GANC: variants seen among roughly 807,000 people sequenced by gnomAD.
GANC encodes the protein neutral alpha-glucosidase C.
Under a neutral mutation model 124.2 loss-of-function variants are expected in GANC, and 117 were observed. That is an observed-to-expected ratio of 0.94 (90% CI 0.81 to 1.10). The LOEUF is 1.10. Among genes scored for constraint, GANC ranks in the 50% least tolerant of loss-of-function variants. The pLI is 0.00. For synonymous variants in GANC, 377 were observed against 376.8 expected (o/e 1.00, Z -0.01); for missense variants, 1,140 against 1,095.0 (o/e 1.04, Z -0.58).
chr15:42,330,599 GA>G lies in GANC; in HGVS notation c.1669del (p.Ile557Ter). 6.2e-7 allele frequency: 1 copy of G among 1,611,652 alleles called. No homozygotes were observed. The highest frequency in any genetic ancestry group is 2.2e-5 in the East Asian group (1 of 44,806). On this transcript the variant is annotated frameshift_variant, in exon 15 of 24. Coordinates refer to ENST00000318010, the MANE Select transcript of GANC (RefSeq NM_198141.3). LOFTEE classifies it high-confidence loss of function. Reference sequence around the variant, plus strand: ...AGCAAATGGCTACTGCAGAAGGACTGATAAAACGATCTAAAGGGAAGGAGAG... The same window carrying G: ...AGCAAATGGCTACTGCAGAAGGACTGTAAAACGATCTAAAGGGAAGGAGAG... ...YHQMATAEGL[I>X]KRSKGKERPF...
intron 4 of GANC, 78 bp downstream of exon 4, chr15:42,287,896 T>C: frequency 2.7e-6 from 4 of 1,461,202 alleles, no homozygotes; most frequent in Non-Finnish European, 3.7e-6. Flanking sequence ...AATTTTGTTA[T>C]GTGCACTTCT....
intron 3 of GANC, among the ~76,000 whole-genome samples, chr15:42,281,817 A>G (rs1353470523): frequency 6.6e-6 from 1 of 152,236 alleles, no homozygotes; most frequent in Admixed American, 6.5e-5. Context: ...GAAAATAATT[A>G]TTGTGACTGA....
rs754824415 is a variant in GANC, at chr15:42,284,386, A to G, written c.202-3305A>G. 51 of 173,434 alleles carry G rather than the reference A, an allele frequency of 2.9e-4. 1 individual carries two copies. Among genetic ancestry groups the G allele is most frequent in the Non-Finnish European group, 5.4e-4 (44 of 82,088 alleles). 10.7% of individuals were successfully genotyped at this position (173,434 alleles called of 1,614,324 possible). A position where few individuals can be genotyped will look rare whatever the true frequency, so the allele number is the denominator to read the frequency against. On this transcript the variant is annotated intron_variant, in intron 3 of 23. Coordinates refer to ENST00000318010, the MANE Select transcript of GANC (RefSeq NM_198141.3). ...CAAAATATCTGGTATTTTCGCCTAT[A>G]TGGCCATTAAAAAAACTAGATTTGT...
intron 10 of GANC, among the ~76,000 whole-genome samples, chr15:42,317,027 A>G (rs1015731025): frequency 2.0e-5 from 3 of 152,214 alleles, no homozygotes; most frequent in African/African-American, 4.8e-5. Context: ...GATCATCTCT[A>G]TATCTAATTT....
Position 42,329,281 on chromosome 15 carries a change from G to C in GANC, c.1501-25G>C, listed in dbSNP as rs111941246. The C allele has an allele frequency of 5.0e-6, 8 of 1,602,400 alleles. No individual in the cohort carries two copies. In the African/African-American group the frequency reaches 5.4e-5, roughly 11 times the overall value. On this transcript the variant is annotated intron_variant, in intron 13 of 23. Transcript: ENST00000318010. The stretch of plus-strand genomic sequence containing the variant: ...ATATAGACATCATCAATGTAGGAGT[G>C]TCATGACCAAGGTTTACTTCCTAGG...
At position 42,295,217 on chromosome 15, in the gene GANC, G is replaced by C. The variant is rs796966760; in HGVS notation, c.512+2300G>C. Among the ~76,000 whole-genome samples, 700 of 151,962 alleles carry C rather than the reference G, an allele frequency of 4.6e-3. 5 individuals carry two copies. Among genetic ancestry groups the C allele is most frequent in the African/African-American group, 0.016 (666 of 41,456 alleles). On this transcript the variant is annotated intron_variant, in intron 5 of 23. Transcript: ENST00000318010. Reference sequence around the variant, plus strand: ...TCTCGATCTCCTGAACTCGTGATCCGCCCGCCTCAGCCTCCCAAAGTGCTG... The same window carrying C: ...TCTCGATCTCCTGAACTCGTGATCCCCCCGCCTCAGCCTCCCAAAGTGCTG...
chr15:42,350,291 A>G (rs1236594515), intron 22 of GANC, among the ~76,000 whole-genome samples: 1 of 151,936 alleles, frequency 6.6e-6, no homozygotes, highest in African/African-American at 2.4e-5. Context: ...CGGCCTCCCA[A>G]AGTGCTGGGA....
At position 42,289,880 on chromosome 15, in the gene GANC, G is replaced by A. The variant is rs190546049; in HGVS notation, c.329+2062G>A. Among the ~76,000 whole-genome samples, 403 of 152,208 alleles carry A rather than the reference G, an allele frequency of 2.6e-3. 1 individual carries two copies. Among genetic ancestry groups the A allele is most frequent in the African/African-American group, 9.4e-3 (389 of 41,506 alleles). On this transcript the variant is annotated intron_variant, in intron 4 of 23. Coordinates refer to ENST00000318010, the MANE Select transcript of GANC (RefSeq NM_198141.3). Reference sequence around the variant, plus strand: ...GTAGGCTCTAATCCATTATACCTGGGTGCCCTTGTAAGAAGAGGAGATTAG... The same window carrying A: ...GTAGGCTCTAATCCATTATACCTGGATGCCCTTGTAAGAAGAGGAGATTAG...
At chr15:42,322,065 A>C (rs1236283777) in intron 11 of GANC, 45 bp downstream of exon 11, 1 of 1,516,656 alleles carries the variant, frequency 6.6e-7, no homozygotes, top group Non-Finnish European at 8.9e-7. Flanking sequence ...ACAGAGTTTT[A>C]AAAAATGTTT....
intron 4 of GANC, 67 bp from the exon 5 acceptor site, chr15:42,292,668 G>C: frequency 6.9e-7 from 1 of 1,441,726 alleles, no homozygotes; most frequent in Non-Finnish European, 9.5e-7. Flanking sequence ...TTACTTGGAA[G>C]TACAAATCAC....
At chr15:42,343,721 C>T (rs2052344001) in intron 19 of GANC, among the ~76,000 whole-genome samples, 4 of 151,992 alleles carry the variant, frequency 2.6e-5, no homozygotes, top group Non-Finnish European at 5.9e-5. Context: ...AGGCAGGGCA[C>T]AGGGGAGAGG....
chr15:42,353,502 G>GT lies in GANC; in HGVS notation c.*1367dup. On this transcript the variant is annotated 3_prime_UTR_variant, in exon 24 of 24. Coordinates refer to ENST00000318010, the MANE Select transcript of GANC (RefSeq NM_198141.3). ...GCATTCTCAGGGATCATACCTTAAT[G>GT]TTTTCAGTATGTCTGCGTTCTCCTA... is the stretch of plus-strand genomic sequence containing the variant. 1.1e-6 allele frequency: 1 copy of GT among 944,596 alleles called. No homozygotes were observed. The highest frequency in any genetic ancestry group is 1.3e-6 in the Non-Finnish European group (1 of 793,148). 58.5% of individuals were successfully genotyped at this position (944,596 alleles called of 1,614,324 possible).
At chr15:42,306,028 C>A (rs1245989388) in intron 6 of GANC, among the ~76,000 whole-genome samples, 1 of 75,576 alleles carries the variant, frequency 1.3e-5, no homozygotes, top group Admixed American at 1.4e-4. Context: ...ACCACCATGT[C>A]TATTTTTTTT....
intron 20 of GANC, among the ~76,000 whole-genome samples, chr15:42,347,726 G>A (rs2052378283): frequency 6.6e-6 from 1 of 152,110 alleles, no homozygotes; most frequent in African/African-American, 2.4e-5. Flanking sequence ...TCTTCAGCAG[G>A]GTTCTGGAAA....
intron 13 of GANC, among the ~76,000 whole-genome samples, chr15:42,328,846 T>C (rs2052217848): frequency 6.6e-6 from 1 of 152,198 alleles, no homozygotes; most frequent in South Asian, 2.1e-4. Context: ...AACAAACAGG[T>C]ATATTGGCTG....
At chr15:42,301,550 G>A (rs1201717755) in intron 6 of GANC, among the ~76,000 whole-genome samples, 2 of 151,994 alleles carry the variant, frequency 1.3e-5, no homozygotes, top group Non-Finnish European at 2.9e-5. Flanking sequence ...GAGCCAAGTG[G>A]TCTAGCTCAG....
In GANC at chr15:42,338,391, G is replaced by A; in HGVS notation, c.1744G>A (p.Ala582Thr). Reference sequence around the variant, plus strand: ...TACATTGTTGCTGGTGACCAAAGGTGCCGTGTGGACAGGCGACAACACAGC... The same window carrying A: ...TACATTGTTGCTGGTGACCAAAGGTACCGTGTGGACAGGCGACAACACAGC... ...SFFAGSQKYG[A>T]VWTGDNTAEW... Residue 582 changes from alanine to threonine, a missense_variant and splice_region_variant, in exon 16 of 24, where the codon GCC becomes ACC. Transcript: ENST00000318010. 1.9e-6 allele frequency: 3 copies of A among 1,612,264 alleles called. No individual in the cohort carries two copies. Among genetic ancestry groups the A allele is most frequent in the Non-Finnish European group, 2.5e-6 (3 of 1,178,662 alleles).
At chr15:42,326,082 G>T (rs1172449725) in intron 11 of GANC, among the ~76,000 whole-genome samples, 1 of 152,226 alleles carries the variant, frequency 6.6e-6, no homozygotes, top group Non-Finnish European at 1.5e-5. Context: ...TTTGGTATCA[G>T]TTGAAATTCT....
At chr15:42,321,418 C>T (rs1429322488) in intron 10 of GANC, among the ~76,000 whole-genome samples, 1 of 152,190 alleles carries the variant, frequency 6.6e-6, no homozygotes, top group East Asian at 1.9e-4. Flanking sequence ...AATGCTCTAT[C>T]TATTCTTCCT....
Sources: allele counts gnomAD v4.1 joint callset (sites outside exome capture counted in the v4.1 genomes callset), GRCh38; gene constraint gnomAD v4.1.1; transcripts MANE v1.5; gene names NCBI Gene and HGNC (gene_info 2026-07-23, HGNC 2026-07-21).